The following AIFM2 variants were observed in gnomAD, a reference collection of about 807,000 sequenced individuals.
AIFM2 encodes AIF family member 2, ferroptosis suppressor.
Under a neutral mutation model 35.7 loss-of-function variants are expected in AIFM2, and 38 were observed. The ratio of observed to expected loss-of-function variants is 1.06; its 90% CI spans 0.82 to 1.39. The LOEUF is 1.39. AIFM2 is among the 40% of genes most tolerant of loss of function. AIFM2 has a pLI of 0.00. For synonymous variants in AIFM2, 185 were observed against 203.5 expected (o/e 0.91, Z 0.77); for missense variants, 476 against 491.2 (o/e 0.97, Z 0.29).
intron 5 of AIFM2, chr10:70,118,140 C>T (rs947744213): frequency 2.0e-6 from 1 of 493,624 alleles, no homozygotes; most frequent in Admixed American, 4.3e-5. Context: ...CTGCCACACC[C>T]AGGCCAGAGG....
Position 70,121,223 on chromosome 10 carries a change from C to CAAAAAAAAAAAAA in AIFM2, c.295-25_295-13dup. The CAAAAAAAAAAAAA allele has an allele frequency of 1.2e-5, 8 of 664,370 alleles. No individual in the cohort carries two copies. The highest frequency in any genetic ancestry group is 1.2e-4 in the East Asian group (1 of 8,312). The allele number at this position is 664,370 out of a possible 1,614,324, so 41.2% of individuals were successfully genotyped here. A position where few individuals can be genotyped will look rare whatever the true frequency, so the allele number is the denominator to read the frequency against. On this transcript the variant is annotated splice_polypyrimidine_tract_variant and intron_variant, in intron 3 of 8. Coordinates refer to ENST00000307864, the MANE Select transcript of AIFM2 (RefSeq NM_032797.6). ...GAGAAGGGCAGGGCCTGAGAGAAACCAAAAAAAAAAAAAAAAAAAAAAAAA... is the reference window on the plus strand; with the variant it reads ...GAGAAGGGCAGGGCCTGAGAGAAACCAAAAAAAAAAAAAAAAAAAAAAAAAAAAAAAAAAAAAA...
chr10:70,120,561 G>A lies in AIFM2; in HGVS notation c.453C>T (p.Gly151=). ...CTGCTGCCATCTCCACTCCAGCCGA[G>A]CCTCCTCCCACCACCACGATGAACC... ...RSRFIVVVGG[G]SAGVEMAAEI... The change falls in exon 5 of 9, where the codon GGC becomes GGT. Residue 151 remains glycine (G), a synonymous_variant. Transcript: ENST00000307864. 6.2e-7 allele frequency: 1 copy of A among 1,614,156 alleles called. No homozygotes were observed.
At position 70,117,119 on chromosome 10, in the gene AIFM2, C is replaced by T. The variant is rs938795269; in HGVS notation, c.617-345G>A. On this transcript the variant is annotated intron_variant, in intron 6 of 8. Coordinates refer to ENST00000307864, the MANE Select transcript of AIFM2 (RefSeq NM_032797.6). The surrounding 1 kb of genome is among the most constrained non-coding windows in gnomAD (Gnocchi z 4.7). Reference sequence around the variant, plus strand: ...TGCCATCCTAACTAGGCAGGACGAGCGCTCCAAGTGCACCACGACAAAGGG... The same window carrying T: ...TGCCATCCTAACTAGGCAGGACGAGTGCTCCAAGTGCACCACGACAAAGGG... Among the ~76,000 whole-genome samples, 16 of 152,334 alleles carry T rather than the reference C, an allele frequency of 1.1e-4. No individual in the cohort carries two copies. The highest frequency in any genetic ancestry group is 3.1e-4 in the African/African-American group (13 of 41,582).
chr10:70,129,484 T>C (rs985797835), intron 1 of AIFM2, among the ~76,000 whole-genome samples: 4 of 152,158 alleles, frequency 2.6e-5, no homozygotes, highest in Non-Finnish European at 5.9e-5. Flanking sequence ...TCGGTATGTA[T>C]ACACATATAC....
At chr10:70,125,210 A>C (rs1157614646) in intron 1 of AIFM2, among the ~76,000 whole-genome samples, 1 of 152,126 alleles carries the variant, frequency 6.6e-6, no homozygotes, top group Non-Finnish European at 1.5e-5. Context: ...CAGAAAACAG[A>C]CTAAGACAAA....
At chr10:70,120,440 A>C in intron 5 of AIFM2, 67 bp downstream of exon 5, 1 of 1,508,660 alleles carries the variant, frequency 6.6e-7, no homozygotes, top group Non-Finnish European at 9.2e-7. Flanking sequence ...CAAATTCCTG[A>C]TGTTCCTAAG....
At chr10:70,121,270 G>A (rs1042212228) in intron 3 of AIFM2, 59 bp from the exon 4 acceptor site, 323 of 1,461,024 alleles carry the variant, frequency 2.2e-4, no homozygotes, top group Non-Finnish European at 2.8e-4. Flanking sequence ...GTAGGGCAGG[G>A]CAGGGCAGGC....
intron 5 of AIFM2, among the ~76,000 whole-genome samples, chr10:70,119,461 T>G (rs2072473932): frequency 6.6e-6 from 1 of 152,134 alleles, no homozygotes; most frequent in South Asian, 2.1e-4. Flanking sequence ...AGTGTCAGAA[T>G]TGAATTGAAC....
chr10:70,121,626 G>A (rs1441138657), intron 3 of AIFM2, among the ~76,000 whole-genome samples: 1 of 151,990 alleles, frequency 6.6e-6, no homozygotes, highest in African/African-American at 2.4e-5. Flanking sequence ...GAAAGGGAAA[G>A]AAAGAAAGAC....
At chr10:70,120,351 T>C (rs2072485846) in intron 5 of AIFM2, among the ~76,000 whole-genome samples, 156 bp downstream of exon 5, 1 of 152,138 alleles carries the variant, frequency 6.6e-6, no homozygotes, top group South Asian at 2.1e-4. Context: ...AAATCCCCTA[T>C]AGAATCACAC....
intron 1 of AIFM2, among the ~76,000 whole-genome samples, chr10:70,129,533 G>A (rs114614133): frequency 0.018 from 2,716 of 152,038 alleles, 48 homozygotes; most frequent in African/African-American, 0.051. Context: ...TTGCACTTTT[G>A]CCCATATCTT....
In AIFM2 at chr10:70,114,812, G is replaced by C. The variant is rs941770083; in HGVS notation, c.970+108C>G. 4 of 1,322,358 alleles carry C rather than the reference G, an allele frequency of 3.0e-6. No homozygotes were observed. The African/African-American group carries it at 4.4e-5, about 15-fold the overall frequency. 81.9% of individuals were successfully genotyped at this position (1,322,358 alleles called of 1,614,324 possible). ...CTCTAAGGGGATGTTTCCATCACCA[G>C]CTTGGAGAGTTTGTTCTAGTGGCCA... On this transcript the variant is annotated intron_variant, in intron 8 of 8. Coordinates refer to ENST00000307864, the MANE Select transcript of AIFM2 (RefSeq NM_032797.6).
chr10:70,125,736 G>T (rs1463064693), intron 1 of AIFM2, among the ~76,000 whole-genome samples: 1 of 152,114 alleles, frequency 6.6e-6, no homozygotes, highest in Non-Finnish European at 1.5e-5. Flanking sequence ...CTCCCAAAGT[G>T]CTGGGATTAC....
At position 70,131,284 on chromosome 10, in the gene AIFM2, C is replaced by T. The variant is rs138742735; in HGVS notation, c.-14+1450G>A. On this transcript the variant is annotated intron_variant, in intron 1 of 8. Transcript: ENST00000307864. The surrounding 1 kb of genome is among the most constrained non-coding windows in gnomAD (Gnocchi z 4.1). The stretch of plus-strand genomic sequence containing the variant: ...TGGAGAGCCACATTCCCAGAGTGGC[C>T]GTCCCGGATAAGAAGGCCACTACAG... 6.6e-6 allele frequency among the ~76,000 whole-genome samples: 1 copy of T among 152,150 alleles called. No individual in the cohort carries two copies. Among genetic ancestry groups the T allele is most frequent in the African/African-American group, 2.4e-5 (1 of 41,436 alleles).
Position 70,114,151 on chromosome 10 carries a change from C to T in AIFM2, c.*27G>A, listed in dbSNP as rs549775928. On this transcript the variant is annotated 3_prime_UTR_variant, in exon 9 of 9. Transcript: ENST00000307864. The stretch of plus-strand genomic sequence containing the variant: ...AAGCAGTCCGTACGCCCACCTGCTG[C>T]GGTAGTTCTCCCGCCTGGCCTCTCC... 65 of 1,600,416 alleles carry T rather than the reference C, an allele frequency of 4.1e-5. No homozygotes were observed. The South Asian group carries it at 4.3e-4, about 11-fold the overall frequency.
intron 7 of AIFM2, among the ~76,000 whole-genome samples, chr10:70,115,559 G>A (rs1183654680): frequency 1.3e-5 from 2 of 152,202 alleles, no homozygotes; most frequent in Non-Finnish European, 2.9e-5. Flanking sequence ...TTGAGGCCAG[G>A]AGCTCAAGAC....
rs767015105 is a variant in AIFM2 at position 70,115,026 on chromosome 10, G to A, written c.864C>T (p.Asp288=). ...SNVYAIGDCA[D]VRTPKMAYLA... ...GATAGGCCATCTTGGGCGTCCTCAC[G>A]TCGGCACAGTCACCAATGGCGTAGA... Residue 288 remains aspartate (D), a synonymous_variant, in exon 8 of 9, where the codon GAC becomes GAT. Transcript: ENST00000307864. 81 of 1,614,060 alleles carry A rather than the reference G, an allele frequency of 5.0e-5. No homozygotes were observed. The highest frequency in any genetic ancestry group is 6.6e-5 in the South Asian group (6 of 91,080).
intron 6 of AIFM2, 103 bp from the exon 7 acceptor site, chr10:70,116,877 C>T: frequency 7.0e-7 from 1 of 1,429,098 alleles, no homozygotes; most frequent in Non-Finnish European, 9.6e-7. Context: ...ACCTCTGGGG[C>T]CCAACTGGGC....
intron 4 of AIFM2, among the ~76,000 whole-genome samples, 193 bp from the exon 5 acceptor site, chr10:70,120,792 G>C (rs2072492836): frequency 6.6e-6 from 1 of 152,168 alleles, no homozygotes; most frequent in Non-Finnish European, 1.5e-5. Flanking sequence ...ATCTAAGCCT[G>C]CTCTACAAAA....
Sources: allele counts gnomAD v4.1 joint callset (sites outside exome capture counted in the v4.1 genomes callset), GRCh38; gene constraint gnomAD v4.1.1; non-coding constraint Gnocchi (gnomAD v3.1); transcripts MANE v1.5; gene names NCBI Gene and HGNC (gene_info 2026-07-23, HGNC 2026-07-21).